Variants in GTF2IRD1 observed in about 807,000 individuals in gnomAD.
GTF2IRD1 encodes GTF2I repeat domain containing 1, also known as general transcription factor II-I repeat domain-containing protein 1.
A neutral mutation model predicts 113.2 loss-of-function variants in GTF2IRD1; 26 were observed. That is an observed-to-expected ratio of 0.23 (90% confidence interval 0.17 to 0.32). GTF2IRD1 has a LOEUF of 0.32. Ranked by LOEUF, GTF2IRD1 falls within the 10% of genes least tolerant of loss-of-function variation. The probability of loss-of-function intolerance (pLI) is 1.00; values close to 1 mark genes in which losing one functional copy is unlikely to be tolerated. For synonymous variants in GTF2IRD1, 484 were observed against 529.1 expected (o/e 0.91, Z 1.17); for missense variants, 864 against 1,280.8 (o/e 0.67, Z 4.97).
chr7:74,586,912 C>T (rs186688718), intron 22 of GTF2IRD1, among the ~76,000 whole-genome samples: 13 of 151,884 alleles, frequency 8.6e-5, no homozygotes, highest in Non-Finnish European at 1.2e-4. Context: ...TCGGAGGCTG[C>T]GGACAGGAGG....
rs782006007 is a variant in GTF2IRD1, at chr7:74,515,369, C to T, written c.266-72C>T. The T allele has an allele frequency of 3.6e-5, 56 of 1,543,000 alleles. No homozygotes were observed. The highest frequency in any genetic ancestry group is 4.6e-5 in the Non-Finnish European group (53 of 1,146,812). On this transcript the variant is annotated intron_variant, in intron 3 of 26. Transcript: ENST00000424337. The stretch of plus-strand genomic sequence containing the variant: ...GTCTCCGCAGCTCAGCACAGGGCAG[C>T]GACATCCCAGCTCGAAGGCCGGGTG...
chr7:74,558,235 C>CGCCA (rs1330989060), intron 20 of GTF2IRD1, among the ~76,000 whole-genome samples: 2 of 144,986 alleles, frequency 1.4e-5, no homozygotes, highest in East Asian at 2.0e-4. Flanking sequence ...GCTGAGATCG[C>CGCCA]GCCATTGCAT....
At chr7:74,485,055 G>T (rs992087808) in intron 1 of GTF2IRD1, among the ~76,000 whole-genome samples, 1 of 152,102 alleles carries the variant, frequency 6.6e-6, no homozygotes, top group Admixed American at 6.6e-5. Context: ...CCTCAGATGC[G>T]TGGGTGGGAG....
At chr7:74,495,399 G>T (rs1340237941) in intron 1 of GTF2IRD1, among the ~76,000 whole-genome samples, 2 of 152,198 alleles carry the variant, frequency 1.3e-5, no homozygotes, top group East Asian at 1.9e-4. Flanking sequence ...ACCCCATCGG[G>T]CTCCCTTGTG....
intron 17 of GTF2IRD1, among the ~76,000 whole-genome samples, chr7:74,549,892 C>T (rs587684987): frequency 7.9e-5 from 12 of 152,154 alleles, no homozygotes; most frequent in African/African-American, 2.2e-4. Context: ...CAAAATTAGC[C>T]GGGCGTGGTA....
chr7:74,458,372 G>A (rs782642382), intron 1 of GTF2IRD1, among the ~76,000 whole-genome samples: 13 of 152,220 alleles, frequency 8.5e-5, no homozygotes, highest in Admixed American at 4.6e-4. Context: ...TGGTGAGGGG[G>A]TAACAGTCTC....
intron 22 of GTF2IRD1, 85 bp from the exon 23 acceptor site, chr7:74,589,766 G>A: frequency 1.2e-6 from 1 of 800,708 alleles, no homozygotes; most frequent in Non-Finnish European, 2.2e-6. Context: ...TGTTTTGGCA[G>A]ATCAGGGACG....
In GTF2IRD1 at chr7:74,531,737, G is replaced by T. The variant is rs587766515; in HGVS notation, c.1274+1820G>T. ...ATCTCCAAAAAGAAAAAAAAAAAGT[G>T]GGGGGAGCCAGGAGGTAGAGTCTCT... On this transcript the variant is annotated intron_variant, in intron 9 of 26. Coordinates refer to ENST00000424337, the MANE Select transcript of GTF2IRD1 (RefSeq NM_005685.4). Among the ~76,000 whole-genome samples, 311 of 152,146 alleles carry T rather than the reference G, an allele frequency of 2.0e-3. 11 individuals carry two copies. The highest frequency in any genetic ancestry group is 2.2e-3 in the Non-Finnish European group (149 of 67,962).
At chr7:74,458,934 C>T (rs1362925006) in intron 1 of GTF2IRD1, among the ~76,000 whole-genome samples, 3 of 98,454 alleles carry the variant, frequency 3.0e-5, no homozygotes, top group African/African-American at 1.6e-4. Context: ...GCTGGGATTA[C>T]AGGTGTGAGC....
intron 1 of GTF2IRD1, among the ~76,000 whole-genome samples, chr7:74,501,414 C>T (rs950356804): frequency 2.6e-5 from 4 of 152,154 alleles, no homozygotes; most frequent in Non-Finnish European, 5.9e-5. Context: ...AAACTGGTCC[C>T]GGCATTTGGG....
chr7:74,455,371 C>G lies in GTF2IRD1; in HGVS notation c.-7+1195C>G, dbSNP rs192501399. ...GAGGGGTGTCTAGAAGCCACCCTGG[C>G]GCGCCGCTGCCATGGTCGGCCTCTG... On this transcript the variant is annotated intron_variant, in intron 1 of 26. Transcript: ENST00000424337. Among the ~76,000 whole-genome samples, 1,114 of 152,298 alleles carry G rather than the reference C, an allele frequency of 7.3e-3. 6 individuals are homozygous for G. The highest frequency in any genetic ancestry group is 0.011 in the Non-Finnish European group (744 of 68,016).
In GTF2IRD1 at chr7:74,477,864, G is replaced by A. The variant is rs1794514614; in HGVS notation, c.-7+23688G>A. On this transcript the variant is annotated intron_variant, in intron 1 of 26. Coordinates refer to ENST00000424337, the MANE Select transcript of GTF2IRD1 (RefSeq NM_005685.4). ...TCCAGCCTTTTCCCGACAAGAAAAG[G>A]CCTGATGTTCCTCATCCGTGTTGTT... 4.6e-5 allele frequency among the ~76,000 whole-genome samples: 7 copies of A among 152,256 alleles called. No homozygotes were observed. The South Asian group carries it at 1.2e-3, about 27-fold the overall frequency.
intron 22 of GTF2IRD1, among the ~76,000 whole-genome samples, chr7:74,574,005 C>CA (rs1800847359): frequency 6.6e-6 from 1 of 152,162 alleles, no homozygotes; most frequent in Non-Finnish European, 1.5e-5. Context: ...GTCTTTGAGA[C>CA]AGAGTTGCGC....
chr7:74,547,886 C>T (rs1287719787), intron 17 of GTF2IRD1, among the ~76,000 whole-genome samples: 1 of 151,644 alleles, frequency 6.6e-6, no homozygotes, highest in Non-Finnish European at 1.5e-5. Context: ...CTCAGGAGAG[C>T]AGTGTTCAGT....
intron 25 of GTF2IRD1, among the ~76,000 whole-genome samples, chr7:74,600,109 T>C (rs111381020): frequency 2.0e-5 from 3 of 152,068 alleles, no homozygotes; most frequent in African/African-American, 7.2e-5. Flanking sequence ...ACCCAGAAAA[T>C]ACTCAGAAAC....
In GTF2IRD1 at chr7:74,454,004, C is replaced by T. The variant is rs1792770893; in HGVS notation, c.-179C>T. The T allele has an allele frequency of 2.7e-5, 4 of 148,504 alleles. No homozygotes were observed. The South Asian group carries it at 7.8e-4, about 29-fold the overall frequency. 9.2% of individuals were successfully genotyped at this position (148,504 alleles called of 1,614,324 possible). ...CCGGCCGGCCGATTCCCCCCCCGCG[C>T]CCCCTCCCCGCGCCTCCCTCCCCGC... On this transcript the variant is annotated 5_prime_UTR_variant, in exon 1 of 27. Transcript: ENST00000424337.
At chr7:74,601,651 T>C (rs1169819838) in intron 26 of GTF2IRD1, 3 of 336,820 alleles carry the variant, frequency 8.9e-6, no homozygotes, top group African/African-American at 4.1e-5. Flanking sequence ...GCATAGTGGC[T>C]CATGCCTGTA....
rs1165378230 is a variant in GTF2IRD1 at position 74,576,617 on chromosome 7, C to CTTTTTTTTTTT, written c.2321-13212_2321-13202dup. Among the ~76,000 whole-genome samples the CTTTTTTTTTTT allele has an allele frequency of 3.6e-4, 18 of 49,350 alleles. 1 individual carries two copies. The highest frequency in any genetic ancestry group is 1.0e-3 in the Admixed American group (3 of 3,010). The allele number at this position is 49,350 out of a possible 152,430, so 32.4% of individuals were successfully genotyped here. ...TCTAGGGGAAAATCTATTTCCTTGTCTTTTTTTTTTTTTTTTTTTTTTTTT... is the reference window on the plus strand; with the variant it reads ...TCTAGGGGAAAATCTATTTCCTTGTCTTTTTTTTTTTTTTTTTTTTTTTTTTTTTTTTTTTT... On this transcript the variant is annotated intron_variant, in intron 22 of 26. Transcript: ENST00000424337.
At chr7:74,597,442 T>C (rs1361665119) in intron 25 of GTF2IRD1, among the ~76,000 whole-genome samples, 1 of 149,650 alleles carries the variant, frequency 6.7e-6, no homozygotes, top group African/African-American at 2.5e-5. Context: ...GCCTCCTGAG[T>C]TCAAGCAATT....
Sources: gnomAD v4.1 joint callset for allele counts (sites outside exome capture counted in the v4.1 genomes callset) on GRCh38, gnomAD v4.1.1 for gene constraint, MANE v1.5 for transcripts, NCBI Gene and HGNC (gene_info 2026-07-23, HGNC 2026-07-21) for gene names.